The following SEMA5A variants were observed in gnomAD, a reference collection of about 807,000 sequenced individuals.
SEMA5A encodes semaphorin 5A, also known as semaphorin-5A.
A neutral mutation model predicts 135.5 loss-of-function variants in SEMA5A; 55 were observed. The ratio of observed to expected loss-of-function variants is 0.41; its 90% CI spans 0.33 to 0.51. The LOEUF (loss-of-function observed/expected upper bound fraction) is 0.51. Among genes scored for constraint, SEMA5A ranks in the 20% least tolerant of loss-of-function variants. The pLI, the probability that SEMA5A is intolerant of heterozygous loss-of-function variation, is 0.37. For synonymous variants in SEMA5A, 580 were observed against 546.5 expected (o/e 1.06, Z -0.85); for missense variants, 1,290 against 1,419.9 (o/e 0.91, Z 1.47).
chr5:9,105,054 G>A (rs747928857), intron 16 of SEMA5A, among the ~76,000 whole-genome samples: 18 of 152,204 alleles, frequency 1.2e-4, no homozygotes, highest in Non-Finnish European at 2.2e-4. Flanking sequence ...AGCCCAGAGG[G>A]CAGTGAATGC....
rs749735216 is a variant in SEMA5A at position 9,318,369 on chromosome 5, T to C, written c.270+3A>G. On this transcript the variant is annotated splice_donor_region_variant and intron_variant, in intron 5 of 22. Coordinates refer to ENST00000382496, the MANE Select transcript of SEMA5A (RefSeq NM_003966.3). ...AAGCTTGAGAAAAATAAATTGCACC[T>C]ACCTGGATAAGAGACAGATCCTCAA... is the stretch of plus-strand genomic sequence containing the variant. The C allele has an allele frequency of 6.2e-7, 1 of 1,611,672 alleles. No homozygotes were observed. The highest frequency in any genetic ancestry group is 8.5e-7 in the Non-Finnish European group (1 of 1,178,912).
At chr5:9,289,246 A>G (rs570198631) in intron 5 of SEMA5A, among the ~76,000 whole-genome samples, 1 of 152,230 alleles carries the variant, frequency 6.6e-6, no homozygotes, top group Admixed American at 6.5e-5. Flanking sequence ...AAAATGATTG[A>G]TATTATAAAG....
chr5:9,395,367 T>C (rs920527544), intron 2 of SEMA5A, among the ~76,000 whole-genome samples: 2 of 152,154 alleles, frequency 1.3e-5, no homozygotes, highest in African/African-American at 4.8e-5. Flanking sequence ...GTTATTCTCA[T>C]GTAAAGTTGG....
At chr5:9,374,859 T>C (rs1755294852) in intron 3 of SEMA5A, among the ~76,000 whole-genome samples, 1 of 150,542 alleles carries the variant, frequency 6.6e-6, no homozygotes, top group African/African-American at 2.4e-5. Context: ...CCAGGCTCAC[T>C]GGAGGTGGAG....
chr5:9,081,763 T>C (rs1373657013), intron 16 of SEMA5A, among the ~76,000 whole-genome samples: 1 of 152,224 alleles, frequency 6.6e-6, no homozygotes, highest in African/African-American at 2.4e-5. Context: ...TATGCATGTG[T>C]TGACAATTTG....
intron 3 of SEMA5A, among the ~76,000 whole-genome samples, chr5:9,374,866 G>A (rs1184681240): frequency 2.0e-5 from 3 of 151,888 alleles, no homozygotes; most frequent in Admixed American, 1.3e-4. Context: ...CACTGGAGGT[G>A]GAGTTGGCTT....
intron 5 of SEMA5A, among the ~76,000 whole-genome samples, chr5:9,246,226 G>GA (rs928347018): frequency 2.6e-5 from 4 of 151,934 alleles, no homozygotes; most frequent in Non-Finnish European, 4.4e-5. Flanking sequence ...TAAATGTAGC[G>GA]AAAAAAATCA....
intron 1 of SEMA5A, among the ~76,000 whole-genome samples, chr5:9,460,902 T>A (rs16882843): frequency 0.3 from 45,653 of 152,096 alleles, 7,237 homozygotes; most frequent in East Asian, 0.54. Flanking sequence ...TAAATGTAGT[T>A]AAGCAAGTAT....
intron 8 of SEMA5A, among the ~76,000 whole-genome samples, chr5:9,211,544 C>T (rs1746346223): frequency 6.6e-6 from 1 of 152,114 alleles, no homozygotes; most frequent in Non-Finnish European, 1.5e-5. Flanking sequence ...CTCACTGTCC[C>T]CAGGTTGGAG....
intron 12 of SEMA5A, among the ~76,000 whole-genome samples, chr5:9,149,487 T>C (rs868015880): frequency 6.6e-6 from 1 of 152,078 alleles, no homozygotes; most frequent in Non-Finnish European, 1.5e-5. Context: ...CTACTAAAAA[T>C]ACAAAACTTA....
chr5:9,362,820 C>G (rs1754755870), intron 3 of SEMA5A, among the ~76,000 whole-genome samples: 1 of 152,144 alleles, frequency 6.6e-6, no homozygotes, highest in Admixed American at 6.5e-5. Context: ...AAAGCAGAAA[C>G]TCTTTAGTCT....
At chr5:9,168,067 C>T (rs1490511179) in intron 11 of SEMA5A, among the ~76,000 whole-genome samples, 1 of 152,138 alleles carries the variant, frequency 6.6e-6, no homozygotes, top group Non-Finnish European at 1.5e-5. Context: ...ACCCCTCTCA[C>T]TGCCCACTCC....
chr5:9,223,948 TC>T (rs2150414847), intron 8 of SEMA5A, among the ~76,000 whole-genome samples: 1 of 152,302 alleles, frequency 6.6e-6, no homozygotes, highest in East Asian at 1.9e-4. Flanking sequence ...TCTAAGGGTT[TC>T]TGGTTTCTTT....
chr5:9,374,896 C>G (rs1443107684), intron 3 of SEMA5A, among the ~76,000 whole-genome samples: 1 of 152,040 alleles, frequency 6.6e-6, no homozygotes, highest in African/African-American at 2.4e-5. Context: ...TTACTGGGCA[C>G]CTGTTCCCAG....
At chr5:9,295,218 G>A (rs1443362089) in intron 5 of SEMA5A, among the ~76,000 whole-genome samples, 2 of 152,136 alleles carry the variant, frequency 1.3e-5, no homozygotes, top group African/African-American at 2.4e-5. Flanking sequence ...AGGATTTGGG[G>A]ATTTCCATTA....
chr5:9,325,193 T>C (rs1752814455), intron 4 of SEMA5A, among the ~76,000 whole-genome samples: 2 of 151,896 alleles, frequency 1.3e-5, no homozygotes, highest in East Asian at 1.9e-4. Flanking sequence ...GTTATGGCTA[T>C]AGCAAATAAA....
intron 2 of SEMA5A, among the ~76,000 whole-genome samples, chr5:9,428,460 G>A (rs918357855): frequency 3.9e-5 from 6 of 152,100 alleles, no homozygotes; most frequent in South Asian, 2.1e-4. Flanking sequence ...AAGTGATACC[G>A]AATCCTACAG....
At chr5:9,366,484 GT>G (rs1754919417) in intron 3 of SEMA5A, among the ~76,000 whole-genome samples, 1 of 151,854 alleles carries the variant, frequency 6.6e-6, no homozygotes, top group African/African-American at 2.4e-5. Context: ...TGCCTCCCGG[GT>G]TCACGCCATT....
intron 16 of SEMA5A, 142 bp downstream of exon 16, chr5:9,107,998 A>T (rs751560199): frequency 5.7e-6 from 6 of 1,050,426 alleles, no homozygotes; most frequent in Non-Finnish European, 8.2e-6. Flanking sequence ...TTTGCAGTGT[A>T]CCAAATTTGT....
Sources: allele counts gnomAD v4.1 joint callset (sites outside exome capture counted in the v4.1 genomes callset), GRCh38; gene constraint gnomAD v4.1.1; transcripts MANE v1.5; gene names NCBI Gene and HGNC (gene_info 2026-07-23, HGNC 2026-07-21).